Variants in JARID2 observed in about 807,000 individuals in gnomAD.
JARID2 encodes the protein jumonji and AT-rich interaction domain containing 2.
Under a neutral mutation model 125.6 loss-of-function variants are expected in JARID2, and 21 were observed. The ratio of observed to expected loss-of-function variants is 0.17; its 90% confidence interval spans 0.12 to 0.24. The LOEUF is 0.24. Among genes scored for constraint, JARID2 ranks in the 10% least tolerant of loss-of-function variants. The pLI is 1.00. For missense variants in JARID2, 1,303 were observed against 1,639.6 expected (o/e 0.79, Z 3.55); for synonymous variants, 736 against 661.6 (o/e 1.11, Z -1.73).
At chr6:15,449,819 C>T (rs750003569) in intron 3 of JARID2, among the ~76,000 whole-genome samples, 3 of 151,912 alleles carry the variant, frequency 2.0e-5, no homozygotes, top group Non-Finnish European at 4.4e-5. Flanking sequence ...TATTATTAGA[C>T]GGTGGTGTTT....
intron 1 of JARID2, among the ~76,000 whole-genome samples, chr6:15,265,884 C>T (rs923669296): frequency 6.6e-6 from 1 of 152,144 alleles, no homozygotes; most frequent in African/African-American, 2.4e-5. Flanking sequence ...GGGTCTCTGC[C>T]TCATGGAAAC....
chr6:15,374,095 C>G (rs1764264341), intron 1 of JARID2, 22 bp from the exon 2 acceptor site: 1 of 1,609,840 alleles, frequency 6.2e-7, no homozygotes, highest in Non-Finnish European at 8.5e-7. Flanking sequence ...AGTAACTCCT[C>G]TCTTTTCTTA....
intron 4 of JARID2, among the ~76,000 whole-genome samples, chr6:15,461,121 C>G (rs970775852): frequency 6.6e-6 from 1 of 152,162 alleles, no homozygotes. Context: ...TGAGATGAAG[C>G]GAACCATAGA....
At chr6:15,363,967 C>T (rs1339431771) in intron 1 of JARID2, among the ~76,000 whole-genome samples, 2 of 152,124 alleles carry the variant, frequency 1.3e-5, no homozygotes, top group Admixed American at 1.3e-4. Context: ...AGTCCAAGGA[C>T]AGAGTTTATT....
chr6:15,486,259 G>C (rs1036938668), intron 5 of JARID2, among the ~76,000 whole-genome samples: 4 of 152,218 alleles, frequency 2.6e-5, no homozygotes, highest in African/African-American at 9.7e-5. Context: ...TGAAAGTCTC[G>C]TTTATTCCAT....
chr6:15,291,059 C>G (rs1761190321), intron 1 of JARID2, among the ~76,000 whole-genome samples: 1 of 152,112 alleles, frequency 6.6e-6, no homozygotes. Context: ...CATAGCAAAA[C>G]TGTGTCTCCA....
intron 1 of JARID2, among the ~76,000 whole-genome samples, chr6:15,358,731 T>A (rs951132205): frequency 6.6e-6 from 1 of 152,254 alleles, no homozygotes; most frequent in African/African-American, 2.4e-5. Flanking sequence ...CCTGGTTTCC[T>A]TAGTTACAAA....
chr6:15,369,259 A>G (rs776207469), intron 1 of JARID2: 5 of 398,278 alleles, frequency 1.3e-5, no homozygotes, highest in Non-Finnish European at 2.6e-5. Flanking sequence ...CCCACAGACC[A>G]CCTGTACCTT....
chr6:15,410,422 T>C, intron 3 of JARID2, 57 bp downstream of exon 3: 1 of 1,565,058 alleles, frequency 6.4e-7, no homozygotes, highest in Non-Finnish European at 8.8e-7. Context: ...CAAACTCAGG[T>C]GCCAGTTTTC....
chr6:15,517,876 G>A (rs1771641250), intron 17 of JARID2, among the ~76,000 whole-genome samples: 1 of 152,222 alleles, frequency 6.6e-6, no homozygotes, highest in Non-Finnish European at 1.5e-5. Context: ...CACAGACTCT[G>A]ATGAGGCTGG....
chr6:15,283,875 T>G (rs1760889561), intron 1 of JARID2, among the ~76,000 whole-genome samples: 1 of 151,790 alleles, frequency 6.6e-6, no homozygotes, highest in African/African-American at 2.4e-5. Context: ...CCGGCTAATT[T>G]TTTTTGAATT....
chr6:15,309,668 C>CGT (rs528107266), intron 1 of JARID2, among the ~76,000 whole-genome samples: 181 of 149,410 alleles, frequency 1.2e-3, no homozygotes, highest in Non-Finnish European at 1.8e-3. Context: ...CATATATAAA[C>CGT]GTGTGTGTGT....
intron 3 of JARID2, among the ~76,000 whole-genome samples, chr6:15,448,364 C>T (rs1020855963): frequency 7.2e-5 from 11 of 152,146 alleles, no homozygotes; most frequent in African/African-American, 2.7e-4. Flanking sequence ...CACAGTGTCT[C>T]GCTCCGTTGT....
At chr6:15,383,224 C>G (rs1193014975) in intron 2 of JARID2, among the ~76,000 whole-genome samples, 2 of 151,718 alleles carry the variant, frequency 1.3e-5, no homozygotes, top group African/African-American at 4.8e-5. Flanking sequence ...TGGCCTCAAA[C>G]CCCTGGGCTT....
intron 2 of JARID2, among the ~76,000 whole-genome samples, chr6:15,407,508 C>G (rs1201215952): frequency 6.6e-6 from 1 of 152,172 alleles, no homozygotes; most frequent in Non-Finnish European, 1.5e-5. Context: ...ATGCATTCAC[C>G]TCTTATTCAG....
intron 1 of JARID2, among the ~76,000 whole-genome samples, chr6:15,253,003 A>G (rs1759515409): frequency 6.6e-6 from 1 of 152,172 alleles, no homozygotes; most frequent in South Asian, 2.1e-4. Context: ...TCTAGGTTTT[A>G]ATCTTTCTTG....
chr6:15,472,301 T>C (rs1441233274), intron 5 of JARID2, among the ~76,000 whole-genome samples: 2 of 152,020 alleles, frequency 1.3e-5, no homozygotes, highest in Non-Finnish European at 2.9e-5. Flanking sequence ...TACAATAGAG[T>C]CACAGCATCA....
chr6:15,257,620 C>T (rs892039887), intron 1 of JARID2, among the ~76,000 whole-genome samples: 1 of 152,188 alleles, frequency 6.6e-6, no homozygotes, highest in Non-Finnish European at 1.5e-5. Context: ...ACTCTAAATT[C>T]TTACTGTGAA....
intron 3 of JARID2, among the ~76,000 whole-genome samples, chr6:15,433,137 C>T (rs1389571092): frequency 6.6e-6 from 1 of 152,112 alleles, no homozygotes; most frequent in African/African-American, 2.4e-5. Flanking sequence ...TATATTATTA[C>T]CCTTAAATAA....
Sources: allele counts gnomAD v4.1 joint callset (sites outside exome capture counted in the v4.1 genomes callset), GRCh38; gene constraint gnomAD v4.1.1; transcripts MANE v1.5; gene names NCBI Gene and HGNC (gene_info 2026-07-23, HGNC 2026-07-21).